Variants in ADAMTS17 observed in about 807,000 individuals in gnomAD.
The protein encoded by ADAMTS17 is A disintegrin and metalloproteinase with thrombospondin motifs 17.
In ADAMTS17, 113 loss-of-function variants were observed where a neutral mutation model predicts 141.5. That is an observed-to-expected ratio of 0.80 (90% CI 0.69 to 0.93). ADAMTS17 has a LOEUF of 0.93. Ranked by LOEUF, ADAMTS17 falls within the 40% of genes least tolerant of loss-of-function variation. ADAMTS17 has a pLI of 0.00. For synonymous variants in ADAMTS17, 768 were observed against 630.6 expected (o/e 1.22, Z -3.27); for missense variants, 1,659 against 1,517.9 (o/e 1.09, Z -1.54).
intron 10 of ADAMTS17, among the ~76,000 whole-genome samples, chr15:100,144,956 T>C (rs576549350): frequency 6.6e-6 from 1 of 152,332 alleles, no homozygotes; most frequent in Admixed American, 6.5e-5. Context: ...CAGTTTCTTT[T>C]CTTACTTCTC....
At chr15:100,314,668 T>C (rs1435995007) in intron 3 of ADAMTS17, among the ~76,000 whole-genome samples, 1 of 152,230 alleles carries the variant, frequency 6.6e-6, no homozygotes, top group Non-Finnish European at 1.5e-5. Flanking sequence ...CAAAGAGTTA[T>C]TTTTGAGTCT....
intron 12 of ADAMTS17, among the ~76,000 whole-genome samples, chr15:100,126,926 T>C (rs1388987993): frequency 6.6e-6 from 1 of 152,150 alleles, no homozygotes; most frequent in Non-Finnish European, 1.5e-5. Context: ...TCAGCTGTTG[T>C]AACACGTGTA....
chr15:100,273,763 A>C (rs1393888133), intron 4 of ADAMTS17, among the ~76,000 whole-genome samples: 2 of 152,144 alleles, frequency 1.3e-5, no homozygotes, highest in African/African-American at 4.8e-5. Context: ...CTAGTTCCTT[A>C]AGTTGTAAAG....
chr15:100,289,538 ATACACACACT>A (rs879693801), intron 3 of ADAMTS17, among the ~76,000 whole-genome samples: 1,632 of 136,558 alleles, frequency 0.012, 15 homozygotes, highest in Non-Finnish European at 0.017. Context: ...ACATACACAC[ATACACACACT>A]CACACACACA....
intron 10 of ADAMTS17, among the ~76,000 whole-genome samples, chr15:100,141,854 G>A (rs1336355555): frequency 6.6e-6 from 1 of 152,234 alleles, no homozygotes; most frequent in Non-Finnish European, 1.5e-5. Flanking sequence ...CAGATGCTGG[G>A]CAGGAAGCGG....
chr15:100,282,266 AC>A (rs1229520643), intron 3 of ADAMTS17, among the ~76,000 whole-genome samples: 2 of 152,230 alleles, frequency 1.3e-5, no homozygotes, highest in African/African-American at 4.8e-5. Flanking sequence ...CTATATGGAC[AC>A]ATCTCTGCTA....
intron 3 of ADAMTS17, among the ~76,000 whole-genome samples, chr15:100,317,994 C>T (rs2045617955): frequency 6.6e-6 from 1 of 152,046 alleles, no homozygotes; most frequent in African/African-American, 2.4e-5. Flanking sequence ...GACCCGAATG[C>T]CAGAGGGACT....
chr15:100,218,812 T>G (rs1012866824), intron 7 of ADAMTS17, among the ~76,000 whole-genome samples: 8 of 151,632 alleles, frequency 5.3e-5, no homozygotes, highest in African/African-American at 2.0e-4. Context: ...ATCAAAAAAA[T>G]GGGAAGAACT....
At chr15:100,276,641 G>A (rs2044107015) in intron 4 of ADAMTS17, among the ~76,000 whole-genome samples, 1 of 152,036 alleles carries the variant, frequency 6.6e-6, no homozygotes, top group Non-Finnish European at 1.5e-5. Flanking sequence ...AAATCTGGAG[G>A]GCTTAAGGAG....
chr15:100,321,970 C>T (rs1278780345), intron 3 of ADAMTS17, among the ~76,000 whole-genome samples: 1 of 152,194 alleles, frequency 6.6e-6, no homozygotes, highest in African/African-American at 2.4e-5. Context: ...GGCCACGATG[C>T]AAATCTCTAC....
At chr15:100,224,624 G>A (rs1317487468) in intron 7 of ADAMTS17, among the ~76,000 whole-genome samples, 1 of 152,176 alleles carries the variant, frequency 6.6e-6, no homozygotes, top group African/African-American at 2.4e-5. Context: ...GTGCAAAGGC[G>A]AGGAAAGGTC....
intron 7 of ADAMTS17, among the ~76,000 whole-genome samples, chr15:100,201,242 A>C (rs2041320191): frequency 6.6e-6 from 1 of 152,182 alleles, no homozygotes; most frequent in Non-Finnish European, 1.5e-5. Flanking sequence ...TGATTGGATC[A>C]TGGGAACAGT....
In ADAMTS17 at chr15:100,299,181, C is replaced by G. The variant is rs75076164; in HGVS notation, c.617-17780G>C. ...GTACTGGGCTAGTTAGTACTTCAAC[C>G]TATGAACTTGGGGGAGACACAATTT... On this transcript the variant is annotated intron_variant, in intron 3 of 21. Transcript: ENST00000268070. Among the ~76,000 whole-genome samples, 805 of 152,218 alleles carry G rather than the reference C, an allele frequency of 5.3e-3. 15 individuals carry two copies. The East Asian group carries it at 0.066, about 12-fold the overall frequency.
chr15:100,138,399 G>A (rs922261096), intron 10 of ADAMTS17, among the ~76,000 whole-genome samples: 1 of 152,042 alleles, frequency 6.6e-6, no homozygotes, highest in Non-Finnish European at 1.5e-5. Context: ...TATCTATAAA[G>A]AAATAGAAGA....
intron 14 of ADAMTS17, among the ~76,000 whole-genome samples, chr15:100,101,209 C>T (rs1296939672): frequency 6.6e-6 from 1 of 152,176 alleles, no homozygotes; most frequent in Non-Finnish European, 1.5e-5. Flanking sequence ...AAGAGAAATG[C>T]CATGCCACCT....
intron 7 of ADAMTS17, among the ~76,000 whole-genome samples, chr15:100,225,038 T>A (rs1486488743): frequency 6.6e-6 from 1 of 152,210 alleles, no homozygotes; most frequent in Non-Finnish European, 1.5e-5. Context: ...AACCAAGTCC[T>A]CCCTGTTACT....
chr15:100,242,078 T>G (rs2042844287), intron 7 of ADAMTS17, among the ~76,000 whole-genome samples: 1 of 152,108 alleles, frequency 6.6e-6, no homozygotes, highest in African/African-American at 2.4e-5. Flanking sequence ...ATTAACGAAC[T>G]CACAAAGAGC....
In ADAMTS17 at chr15:99,972,477, C is replaced by CAAAAGTCTAAATGT. The variant is rs1555521623; in HGVS notation, c.*1911_*1924dup. 1.1e-4 allele frequency: 17 copies of CAAAAGTCTAAATGT among 152,234 alleles called. No homozygotes were observed. Among genetic ancestry groups the CAAAAGTCTAAATGT allele is most frequent in the African/African-American group, 4.1e-4 (17 of 41,548 alleles). 9.4% of individuals were successfully genotyped at this position (152,234 alleles called of 1,614,324 possible). A position where few individuals can be genotyped will look rare whatever the true frequency, so the allele number is the denominator to read the frequency against. On this transcript the variant is annotated 3_prime_UTR_variant, in exon 22 of 22. Transcript: ENST00000268070. ...CTTGCCCGGCTCTGCTCCTTGGCTG[C>CAAAAGTCTAAATGT]AAAAGTCTAAATGTCTTTCAGTGAA...
At chr15:100,099,281 G>A (rs2035952838) in intron 14 of ADAMTS17, among the ~76,000 whole-genome samples, 1 of 152,214 alleles carries the variant, frequency 6.6e-6, no homozygotes. Flanking sequence ...TGTCTGAACA[G>A]CAGTGACTCT....
Sources: gnomAD v4.1 joint callset for allele counts (sites outside exome capture counted in the v4.1 genomes callset) on GRCh38, gnomAD v4.1.1 for gene constraint, MANE v1.5 for transcripts, NCBI Gene and HGNC (gene_info 2026-07-23, HGNC 2026-07-21) for gene names.